The following RALGAPA2 variants were observed in gnomAD, a reference collection of about 807,000 sequenced individuals.
RALGAPA2 encodes the protein Ral GTPase activating protein catalytic subunit alpha 2, also known as ral GTPase-activating protein subunit alpha-2.
A neutral mutation model predicts 230.4 loss-of-function variants in RALGAPA2; 139 were observed. The observed-to-expected ratio is 0.60, with a 90% CI of 0.53 to 0.69. The LOEUF is 0.69. Among genes scored for constraint, RALGAPA2 ranks in the 30% least tolerant of loss-of-function variants. The pLI is 0.00. For synonymous variants in RALGAPA2, 847 were observed against 837.8 expected, an observed-to-expected ratio of 1.01 and a Z score of -0.19; for missense variants, 2,163 against 2,276.0, an observed-to-expected ratio of 0.95 and a Z score of 1.01.
intron 37 of RALGAPA2, among the ~76,000 whole-genome samples, chr20:20,450,413 T>A (rs1287635338): frequency 6.6e-6 from 1 of 152,234 alleles, no homozygotes; most frequent in African/African-American, 2.4e-5. Flanking sequence ...TTCCATACAA[T>A]CAAGGTTTAA....
At chr20:20,407,272 C>G (rs988332304) in intron 38 of RALGAPA2, among the ~76,000 whole-genome samples, 1 of 152,194 alleles carries the variant, frequency 6.6e-6, no homozygotes, top group Non-Finnish European at 1.5e-5. Context: ...TTAATTAAAA[C>G]CGTATTAAGA....
At chr20:20,592,159 C>G (rs2065310688) in intron 16 of RALGAPA2, among the ~76,000 whole-genome samples, 1 of 152,162 alleles carries the variant, frequency 6.6e-6, no homozygotes, top group Non-Finnish European at 1.5e-5. Context: ...CTGTCCCTCT[C>G]TTCTTACCAC....
At chr20:20,547,003 A>G (rs2063790806) in intron 23 of RALGAPA2, among the ~76,000 whole-genome samples, 171 bp from the exon 24 acceptor site, 1 of 152,184 alleles carries the variant, frequency 6.6e-6, no homozygotes, top group African/African-American at 2.4e-5. Context: ...GGATTACTGT[A>G]CCCATTTTAA....
intron 3 of RALGAPA2, among the ~76,000 whole-genome samples, chr20:20,661,571 A>G (rs1406556956): frequency 6.6e-6 from 1 of 152,232 alleles, no homozygotes; most frequent in Non-Finnish European, 1.5e-5. Context: ...ATTACAAAGC[A>G]TATTCCATAA....
At chr20:20,431,086 G>A (rs1273268999) in intron 37 of RALGAPA2, among the ~76,000 whole-genome samples, 2 of 152,112 alleles carry the variant, frequency 1.3e-5, no homozygotes, top group Non-Finnish European at 2.9e-5. Context: ...TGTGGAGCGA[G>A]TCCCCCTGAA....
intron 38 of RALGAPA2, among the ~76,000 whole-genome samples, chr20:20,408,791 T>C (rs940649090): frequency 3.3e-5 from 5 of 152,290 alleles, no homozygotes; most frequent in South Asian, 2.1e-4. Context: ...ATAAAACATA[T>C]ATATGTTAAT....
At chr20:20,413,229 C>T (rs562092543) in intron 37 of RALGAPA2, among the ~76,000 whole-genome samples, 3 of 152,374 alleles carry the variant, frequency 2.0e-5, no homozygotes, top group East Asian at 1.9e-4. Context: ...TTTCTCACTA[C>T]ATTTTCAAAC....
intron 25 of RALGAPA2, 100 bp downstream of exon 25, chr20:20,536,556 C>T (rs2063502798): frequency 8.3e-6 from 11 of 1,321,680 alleles, no homozygotes; most frequent in South Asian, 4.4e-5. Flanking sequence ...AGCAAAACTT[C>T]AGGAATAAGC....
intron 38 of RALGAPA2, among the ~76,000 whole-genome samples, chr20:20,405,509 T>C (rs559474970): frequency 6.6e-6 from 1 of 152,328 alleles, no homozygotes; most frequent in East Asian, 1.9e-4. Context: ...GGCACTTTCC[T>C]AGCCAAGCAA....
At chr20:20,587,607 T>A (rs2065171012) in intron 18 of RALGAPA2, among the ~76,000 whole-genome samples, 2 of 152,022 alleles carry the variant, frequency 1.3e-5, no homozygotes, top group African/African-American at 4.8e-5. Context: ...TTGAGACTTT[T>A]AAAAAATTCC....
intron 37 of RALGAPA2, among the ~76,000 whole-genome samples, chr20:20,441,922 T>C (rs2060749730): frequency 6.6e-6 from 1 of 152,218 alleles, no homozygotes; most frequent in Non-Finnish European, 1.5e-5. Flanking sequence ...CTATTGGATT[T>C]CACTTTCATT....
chr20:20,548,048 A>G (rs562067089), intron 23 of RALGAPA2, among the ~76,000 whole-genome samples: 9 of 152,186 alleles, frequency 5.9e-5, no homozygotes, highest in Non-Finnish European at 1.2e-4. Flanking sequence ...GAAATGTTAC[A>G]TGACTATACT....
intron 16 of RALGAPA2, among the ~76,000 whole-genome samples, chr20:20,594,417 C>T (rs1051199992): frequency 5.9e-5 from 9 of 151,872 alleles, no homozygotes; most frequent in Non-Finnish European, 1.0e-4. Flanking sequence ...TCTTTCATAA[C>T]GAATGAAAAT....
intron 37 of RALGAPA2, among the ~76,000 whole-genome samples, chr20:20,457,896 G>A (rs2061160262): frequency 6.6e-6 from 1 of 152,200 alleles, no homozygotes; most frequent in Non-Finnish European, 1.5e-5. Context: ...AAGGGAACAT[G>A]CCACGTGGGC....
At chr20:20,406,946 T>C (rs1390585681) in intron 38 of RALGAPA2, among the ~76,000 whole-genome samples, 1 of 152,158 alleles carries the variant, frequency 6.6e-6, no homozygotes, top group East Asian at 1.9e-4. Flanking sequence ...GAGTAAAATT[T>C]GACTCTGGCC....
intron 36 of RALGAPA2, among the ~76,000 whole-genome samples, chr20:20,478,702 A>G (rs1418459811): frequency 6.6e-6 from 1 of 152,108 alleles, no homozygotes; most frequent in Non-Finnish European, 1.5e-5. Flanking sequence ...GAACTACCAG[A>G]AGGGGGAGGG....
intron 1 of RALGAPA2, among the ~76,000 whole-genome samples, chr20:20,691,582 T>C (rs2068908760): frequency 6.6e-6 from 1 of 152,156 alleles, no homozygotes; most frequent in Non-Finnish European, 1.5e-5. Context: ...TCCAGTCCAA[T>C]CAGGCTTTGA....
intron 1 of RALGAPA2, among the ~76,000 whole-genome samples, chr20:20,686,222 A>C (rs2068693200): frequency 6.6e-6 from 1 of 152,148 alleles, no homozygotes; most frequent in South Asian, 2.1e-4. Flanking sequence ...AAGTTATTTA[A>C]ACACTCCAAT....
At chr20:20,545,731 T>A (rs1290961512) in intron 24 of RALGAPA2, among the ~76,000 whole-genome samples, 1 of 152,202 alleles carries the variant, frequency 6.6e-6, no homozygotes, top group African/African-American at 2.4e-5. Context: ...AAAGGCCCTT[T>A]AACTTTAAAT....
Sources: allele counts gnomAD v4.1 joint callset (sites outside exome capture counted in the v4.1 genomes callset), GRCh38; gene constraint gnomAD v4.1.1; transcripts MANE v1.5; gene names NCBI Gene and HGNC (gene_info 2026-07-23, HGNC 2026-07-21).